CCSER1: variants seen among roughly 807,000 people sequenced by gnomAD.
CCSER1 encodes the protein coiled-coil serine rich protein 1, also known as serine-rich coiled-coil domain-containing protein 1.
A neutral mutation model predicts 82.0 loss-of-function variants in CCSER1; 41 were observed. That is an observed-to-expected ratio of 0.50 (90% CI 0.39 to 0.65). CCSER1 has a LOEUF of 0.65. CCSER1 is among the 30% of genes least tolerant of loss of function. The pLI is 0.00. For synonymous variants in CCSER1, 414 were observed against 383.9 expected, an observed-to-expected ratio of 1.08 and a Z score of -0.92; for missense variants, 1,119 against 1,064.2, an observed-to-expected ratio of 1.05 and a Z score of -0.72.
intron 5 of CCSER1, among the ~76,000 whole-genome samples, chr4:90,520,132 G>T (rs1772890451): frequency 6.6e-6 from 1 of 151,788 alleles, no homozygotes. Flanking sequence ...TGATAACAGT[G>T]CTGGACAAAA....
At chr4:91,129,040 C>T (rs891865025) in intron 10 of CCSER1, among the ~76,000 whole-genome samples, 1 of 152,026 alleles carries the variant, frequency 6.6e-6, no homozygotes, top group Non-Finnish European at 1.5e-5. Context: ...ATGGCTTTAA[C>T]TCTATTTCTC....
intron 10 of CCSER1, among the ~76,000 whole-genome samples, chr4:91,159,308 T>A (rs1731139821): frequency 6.6e-6 from 1 of 151,968 alleles, no homozygotes; most frequent in African/African-American, 2.4e-5. Context: ...TGCTGAAAAC[T>A]TTTGACCCCA....
chr4:90,154,561 G>C (rs1295220748), intron 1 of CCSER1, among the ~76,000 whole-genome samples: 4 of 149,104 alleles, frequency 2.7e-5, no homozygotes, highest in Non-Finnish European at 6.0e-5. Context: ...TCCTTGAGCA[G>C]TGGTTTGTAG....
At chr4:90,863,347 C>T (rs1765327797) in intron 8 of CCSER1, among the ~76,000 whole-genome samples, 1 of 151,790 alleles carries the variant, frequency 6.6e-6, no homozygotes, top group South Asian at 2.1e-4. Context: ...TAGTGAGTTC[C>T]TGTAATATTC....
intron 1 of CCSER1, among the ~76,000 whole-genome samples, chr4:90,303,620 C>G (rs961549874): frequency 1.5e-4 from 22 of 151,696 alleles, no homozygotes; most frequent in East Asian, 1.2e-3. Flanking sequence ...GAAACTGGAT[C>G]CCTTCCTTAC....
chr4:91,231,170 A>T (rs1490654694), intron 10 of CCSER1, among the ~76,000 whole-genome samples: 2 of 151,954 alleles, frequency 1.3e-5, no homozygotes, highest in African/African-American at 4.8e-5. Context: ...GGCATTAATC[A>T]CAATGGCATA....
At chr4:90,163,623 CA>C (rs1321552200) in intron 1 of CCSER1, among the ~76,000 whole-genome samples, 2 of 151,914 alleles carry the variant, frequency 1.3e-5, no homozygotes, top group African/African-American at 4.8e-5. Flanking sequence ...ATTTAATTCA[CA>C]ACAATGACAA....
At chr4:90,788,227 CA>C (rs1318267956) in intron 7 of CCSER1, among the ~76,000 whole-genome samples, 4 of 151,688 alleles carry the variant, frequency 2.6e-5, no homozygotes, top group African/African-American at 9.7e-5. Context: ...TTTCTTTTTT[CA>C]TTTATCAGTT....
chr4:90,257,213 T>TCATATA lies in CCSER1; in HGVS notation c.-41-51031_-41-51030insCATATA, dbSNP rs140587839. ...GTGTCTTATGTTATAAAATGAAATGTTATATATATATATATAGGTATATGT... is the reference window on the plus strand; with the variant it reads ...GTGTCTTATGTTATAAAATGAAATGTCATATATATATATATATATATAGGTATATGT... On this transcript the variant is annotated intron_variant, in intron 1 of 10. Coordinates refer to ENST00000509176, the MANE Select transcript of CCSER1 (RefSeq NM_001145065.2). 2.2e-3 allele frequency among the ~76,000 whole-genome samples: 330 copies of TCATATA among 150,212 alleles called. 1 individual carries two copies. Among genetic ancestry groups the TCATATA allele is most frequent in the Non-Finnish European group, 3.6e-3 (246 of 67,426 alleles).
intron 7 of CCSER1, among the ~76,000 whole-genome samples, chr4:90,742,418 G>A (rs997544440): frequency 2.6e-5 from 4 of 152,052 alleles, no homozygotes; most frequent in South Asian, 2.1e-4. Context: ...TTAGGAAGTC[G>A]AGCCTATTAC....
chr4:91,559,789 T>C (rs1415754258), intron 10 of CCSER1, among the ~76,000 whole-genome samples: 2 of 151,472 alleles, frequency 1.3e-5, no homozygotes, highest in Non-Finnish European at 3.0e-5. Context: ...TTTTCTAATG[T>C]AAGTTGTACA....
At chr4:90,983,616 C>T (rs1427447788) in intron 9 of CCSER1, among the ~76,000 whole-genome samples, 1 of 151,484 alleles carries the variant, frequency 6.6e-6, no homozygotes, top group Non-Finnish European at 1.5e-5. Context: ...TCAAGCAAGA[C>T]TAACAATCCA....
chr4:90,649,895 G>A (rs1393545421), intron 6 of CCSER1, among the ~76,000 whole-genome samples: 3 of 151,922 alleles, frequency 2.0e-5, no homozygotes, highest in Non-Finnish European at 4.4e-5. Context: ...TCACGAGGTC[G>A]GGAGTTTGAG....
intron 9 of CCSER1, among the ~76,000 whole-genome samples, chr4:91,077,619 G>T (rs1722143694): frequency 6.6e-6 from 1 of 152,132 alleles, no homozygotes; most frequent in African/African-American, 2.4e-5. Context: ...CCAGACAAAT[G>T]GGTGCAGCCC....
intron 5 of CCSER1, among the ~76,000 whole-genome samples, chr4:90,485,518 ACCC>A (rs766257489): frequency 4.7e-4 from 44 of 93,822 alleles, no homozygotes; most frequent in South Asian, 2.7e-3. Context: ...TCTTGGCTCC[ACCC>A]CCCCCCCCCA....
Position 91,160,344 on chromosome 4 carries a change from C to A in CCSER1, c.2217+74350C>A, listed in dbSNP as rs144193149. ...AAGTTTTTGCTATTGTGAATAGTGC[C>A]ACAGTAAACATACTTGTACATGTGT... On this transcript the variant is annotated intron_variant, in intron 10 of 10. Coordinates refer to ENST00000509176, the MANE Select transcript of CCSER1 (RefSeq NM_001145065.2). Among the ~76,000 whole-genome samples, 1,420 of 152,198 alleles carry A rather than the reference C, an allele frequency of 9.3e-3. 9 individuals are homozygous for A. The highest frequency in any genetic ancestry group is 0.022 in the African/African-American group (930 of 41,514).
At chr4:91,505,230 C>T (rs745828812) in intron 10 of CCSER1, among the ~76,000 whole-genome samples, 1 of 152,138 alleles carries the variant, frequency 6.6e-6, no homozygotes, top group Non-Finnish European at 1.5e-5. Flanking sequence ...CTGAGGATAA[C>T]GACTTCCAGC....
At chr4:91,417,025 C>T (rs962978557) in intron 10 of CCSER1, among the ~76,000 whole-genome samples, 4 of 151,858 alleles carry the variant, frequency 2.6e-5, no homozygotes, top group African/African-American at 9.7e-5. Context: ...ACTGAACAAC[C>T]CCATTAAAAA....
chr4:90,321,737 C>T (rs1737187238), intron 3 of CCSER1, among the ~76,000 whole-genome samples: 1 of 151,946 alleles, frequency 6.6e-6, no homozygotes, highest in South Asian at 2.1e-4. Context: ...ATTTGCCTGT[C>T]GTTTGGATAA....
Sources: allele counts gnomAD v4.1 joint callset (sites outside exome capture counted in the v4.1 genomes callset), GRCh38; gene constraint gnomAD v4.1.1; transcripts MANE v1.5; gene names NCBI Gene and HGNC (gene_info 2026-07-23, HGNC 2026-07-21).